Variants in BCL11A observed in about 807,000 individuals in gnomAD.
BCL11A encodes B cell CLL/lymphoma 11A.
In BCL11A, 2 loss-of-function variants were observed where a neutral mutation model predicts 55.9. That is an observed-to-expected ratio of 0.04 (90% CI 0.01 to 0.11). BCL11A has a LOEUF of 0.11. BCL11A is among the 10% of genes least tolerant of loss of function. The pLI, the probability that BCL11A is intolerant of heterozygous loss-of-function variation, is 1.00. For missense variants in BCL11A, 817 were observed against 1,137.1 expected (o/e 0.72, Z 4.05); for synonymous variants, 465 against 473.4 (o/e 0.98, Z 0.23).
rs1676378612 is a variant in BCL11A at position 60,462,569 on chromosome 2, T to C, written c.488-145A>G. On this transcript the variant is annotated intron_variant, in intron 3 of 3. Coordinates refer to ENST00000642384, the MANE Select transcript of BCL11A (RefSeq NM_022893.4). ...CCCTCACTGACCTACCCCCTGTGCC[T>C]GGCACGTCTGAGCATGGGTACCCAG... is the stretch of plus-strand genomic sequence containing the variant. 1.5e-5 allele frequency: 21 copies of C among 1,386,720 alleles called. No individual in the cohort carries two copies. In the South Asian group the frequency reaches 3.1e-4, roughly 20 times the overall value. The allele number at this position is 1,386,720 out of a possible 1,614,324, so 85.9% of individuals were successfully genotyped here. A position where few individuals can be genotyped will look rare whatever the true frequency, so the allele number is the denominator to read the frequency against.
At chr2:60,508,444 C>G (rs1337092236) in intron 2 of BCL11A, among the ~76,000 whole-genome samples, 1 of 152,150 alleles carries the variant, frequency 6.6e-6, no homozygotes, top group African/African-American at 2.4e-5. Context: ...CCAGTTGCTG[C>G]GAGACAAATA....
intron 2 of BCL11A, among the ~76,000 whole-genome samples, chr2:60,512,914 G>A (rs1214288775): frequency 6.6e-6 from 1 of 152,146 alleles, no homozygotes; most frequent in African/African-American, 2.4e-5. Flanking sequence ...CCATTTGGAG[G>A]AGACACAGAG....
At chr2:60,463,055 C>T (rs541484102) in intron 3 of BCL11A, among the ~76,000 whole-genome samples, 1 of 152,344 alleles carries the variant, frequency 6.6e-6, no homozygotes, top group Non-Finnish European at 1.5e-5. Flanking sequence ...TAAAATACTT[C>T]CGTGGAAAAA....
At chr2:60,506,502 G>T (rs1031341146) in intron 2 of BCL11A, among the ~76,000 whole-genome samples, 3 of 152,242 alleles carry the variant, frequency 2.0e-5, no homozygotes, top group Non-Finnish European at 4.4e-5. Flanking sequence ...TCACTAGACT[G>T]TATCTCATTT....
chr2:60,477,924 A>G (rs1677713501), intron 2 of BCL11A, among the ~76,000 whole-genome samples: 1 of 151,896 alleles, frequency 6.6e-6, no homozygotes, highest in African/African-American at 2.4e-5. Context: ...AGCCCTTCTT[A>G]AGGAAGCACA....
At chr2:60,477,745 G>A (rs1677699247) in intron 2 of BCL11A, among the ~76,000 whole-genome samples, 1 of 152,162 alleles carries the variant, frequency 6.6e-6, no homozygotes, top group Non-Finnish European at 1.5e-5. Flanking sequence ...GCAAGTGTGG[G>A]CAGCCCCAGC....
rs559050062 is a variant in BCL11A, at chr2:60,528,902, T to C, written c.385+17069A>G. ...TACTTCTCACATGGACTCTATGAGG[T>C]AAGGGACCTTGAGTTATCTCCATTT... On this transcript the variant is annotated intron_variant, in intron 2 of 3. Coordinates refer to ENST00000642384, the MANE Select transcript of BCL11A (RefSeq NM_022893.4). Among the ~76,000 whole-genome samples the C allele has an allele frequency of 3.3e-5, 5 of 152,280 alleles. No individual in the cohort carries two copies. The South Asian group carries it at 8.3e-4, about 25-fold the overall frequency.
intron 2 of BCL11A, among the ~76,000 whole-genome samples, chr2:60,538,719 G>GTCTC (rs542617506): frequency 3.8e-5 from 5 of 130,574 alleles, no homozygotes; most frequent in Non-Finnish European, 6.5e-5. Context: ...TAAACTGAAT[G>GTCTC]TCTCTCTCTC....
chr2:60,500,928 TAA>T (rs756101944), intron 2 of BCL11A, among the ~76,000 whole-genome samples: 38 of 152,274 alleles, frequency 2.5e-4, no homozygotes, highest in Middle Eastern at 6.8e-3. Context: ...TGGAACTAGT[TAA>T]AAGAGTGTCT....
At chr2:60,482,969 T>G (rs1440803971) in intron 2 of BCL11A, among the ~76,000 whole-genome samples, 1 of 152,242 alleles carries the variant, frequency 6.6e-6, no homozygotes, top group Non-Finnish European at 1.5e-5. Flanking sequence ...ACAGAAATGA[T>G]GATGTTTAAG....
chr2:60,541,371 A>G (rs929098540), intron 2 of BCL11A, among the ~76,000 whole-genome samples: 2 of 152,160 alleles, frequency 1.3e-5, no homozygotes, highest in African/African-American at 4.8e-5. Flanking sequence ...TAAGTTTAGC[A>G]GCCATGCGGG....
At chr2:60,545,056 G>A (rs961589387) in intron 2 of BCL11A, 4 of 152,202 alleles carry the variant, frequency 2.6e-5, no homozygotes, top group East Asian at 1.9e-4. Flanking sequence ...TTTTTACATT[G>A]TGTTATAGCA....
chr2:60,512,601 T>A, intron 2 of BCL11A, among the ~76,000 whole-genome samples: 1 of 152,170 alleles, frequency 6.6e-6, no homozygotes, highest in Admixed American at 6.5e-5. Context: ...GACTAGATGG[T>A]ATCTGCCTCT....
At chr2:60,544,194 C>A (rs1031218515) in intron 2 of BCL11A, 1 of 152,314 alleles carries the variant, frequency 6.6e-6, no homozygotes, top group Middle Eastern at 3.4e-3. Flanking sequence ...GTCTTTTAAA[C>A]GAGCAGCTCG....
intron 2 of BCL11A, among the ~76,000 whole-genome samples, chr2:60,505,876 CG>C (rs1309840027): frequency 6.6e-6 from 1 of 152,174 alleles, no homozygotes; most frequent in East Asian, 1.9e-4. Flanking sequence ...CCCAAAACAA[CG>C]GTGGGCAGAA....
At chr2:60,480,753 C>G (rs569378386) in intron 2 of BCL11A, among the ~76,000 whole-genome samples, 4 of 152,158 alleles carry the variant, frequency 2.6e-5, no homozygotes, top group Non-Finnish European at 5.9e-5. Context: ...TTCCTTAAGT[C>G]TTCTGGTGAA....
intron 2 of BCL11A, among the ~76,000 whole-genome samples, chr2:60,530,308 C>A (rs1350612102): frequency 2.0e-5 from 3 of 147,696 alleles, no homozygotes. Context: ...ACAGGCCCTT[C>A]CAACAAGTTA....
At chr2:60,505,868 C>T (rs1239954183) in intron 2 of BCL11A, among the ~76,000 whole-genome samples, 1 of 152,154 alleles carries the variant, frequency 6.6e-6, no homozygotes, top group African/African-American at 2.4e-5. Context: ...AAATCCCTCC[C>T]AAAACAACGG....
At chr2:60,476,301 G>A (rs983632552) in intron 2 of BCL11A, among the ~76,000 whole-genome samples, 1 of 152,228 alleles carries the variant, frequency 6.6e-6, no homozygotes, top group Admixed American at 6.5e-5. Context: ...ACCTAGGTGT[G>A]TCCTGAGCCA....
Sources: gnomAD v4.1 joint callset for allele counts (sites outside exome capture counted in the v4.1 genomes callset) on GRCh38, gnomAD v4.1.1 for gene constraint, MANE v1.5 for transcripts, NCBI Gene and HGNC (gene_info 2026-07-23, HGNC 2026-07-21) for gene names.